MACROD2: variants seen among roughly 807,000 people sequenced by gnomAD.
MACROD2 encodes mono-ADP ribosylhydrolase 2.
MACROD2 carries 36 observed loss-of-function variants against 70.4 expected under a neutral mutation model. That is an observed-to-expected ratio of 0.51 (90% confidence interval 0.39 to 0.68). The LOEUF (loss-of-function observed/expected upper bound fraction) is 0.68. Ranked by LOEUF, MACROD2 falls within the 30% of genes least tolerant of loss-of-function variation. The probability of loss-of-function intolerance (pLI) is 0.00; values close to 1 mark genes in which losing one functional copy is unlikely to be tolerated. For synonymous variants in MACROD2, 172 were observed against 178.8 expected (o/e 0.96, Z 0.30); for missense variants, 496 against 538.4 (o/e 0.92, Z 0.78).
chr20:14,475,570 T>A (rs80322124), intron 3 of MACROD2, among the ~76,000 whole-genome samples: 2,772 of 146,392 alleles, frequency 0.019, 86 homozygotes, highest in African/African-American at 0.067. Context: ...CCCTTTAGCA[T>A]TTTTTTTTTT....
At chr20:15,062,447 G>C (rs1219726288) in intron 5 of MACROD2, among the ~76,000 whole-genome samples, 7 of 151,836 alleles carry the variant, frequency 4.6e-5, no homozygotes, top group Non-Finnish European at 8.8e-5. Flanking sequence ...TGGCAACTCT[G>C]CTTCCAAACC....
At chr20:14,633,414 A>C (rs1190858988) in intron 4 of MACROD2, among the ~76,000 whole-genome samples, 17 of 152,164 alleles carry the variant, frequency 1.1e-4, no homozygotes, top group Non-Finnish European at 1.8e-4. Context: ...TCTTCAAAGG[A>C]AATTGAAGCC....
intron 3 of MACROD2, among the ~76,000 whole-genome samples, chr20:14,189,371 A>T (rs1289621985): frequency 6.6e-6 from 1 of 152,126 alleles, no homozygotes; most frequent in Non-Finnish European, 1.5e-5. Flanking sequence ...TTTTCAAAAG[A>T]CTTTTATTTA....
intron 5 of MACROD2, among the ~76,000 whole-genome samples, chr20:14,837,068 A>G (rs2073037656): frequency 2.0e-5 from 2 of 99,002 alleles, no homozygotes; most frequent in African/African-American, 5.9e-5. Context: ...TTAAATAATG[A>G]GTGTTTTCTC....
rs1041740537 is a variant in MACROD2 at position 15,777,662 on chromosome 20, C to T, written c.646-85083C>T. On this transcript the variant is annotated intron_variant, in intron 8 of 17. Coordinates refer to ENST00000684519, the MANE Select transcript of MACROD2 (RefSeq NM_001351661.2). The stretch of plus-strand genomic sequence containing the variant: ...CCTCTCTCTCTCTCTCTCTTTCTTT[C>T]GAGACAGAGTCTCACTCTGTTGCCC... 7.6e-5 allele frequency among the ~76,000 whole-genome samples: 10 copies of T among 132,416 alleles called. 1 individual carries two copies. The highest frequency in any genetic ancestry group is 5.7e-4 in the Admixed American group (7 of 12,204). 86.9% of individuals were successfully genotyped at this position (132,416 alleles called of 152,430 possible).
At chr20:15,061,937 G>T (rs1323241076) in intron 5 of MACROD2, among the ~76,000 whole-genome samples, 1 of 152,158 alleles carries the variant, frequency 6.6e-6, no homozygotes, top group South Asian at 2.1e-4. Context: ...ACCTCTACAG[G>T]TGGGGAGACA....
chr20:14,049,413 G>A (rs1198286734), intron 2 of MACROD2, among the ~76,000 whole-genome samples: 1 of 151,818 alleles, frequency 6.6e-6, no homozygotes, highest in Non-Finnish European at 1.5e-5. Context: ...GTGGAGGGGA[G>A]GTGGTGATGT....
At chr20:15,519,850 T>C (rs1432813224) in intron 8 of MACROD2, among the ~76,000 whole-genome samples, 1 of 152,200 alleles carries the variant, frequency 6.6e-6, no homozygotes, top group Non-Finnish European at 1.5e-5. Flanking sequence ...TTAATGAATG[T>C]GGGAATGCAG....
chr20:14,060,532 A>G (rs886259244), intron 2 of MACROD2, among the ~76,000 whole-genome samples: 2 of 152,138 alleles, frequency 1.3e-5, no homozygotes, highest in African/African-American at 4.8e-5. Flanking sequence ...GAGGAGATAG[A>G]CGACATTTCT....
intron 4 of MACROD2, chr20:14,636,491 A>T: frequency 6.6e-6 from 1 of 151,530 alleles, no homozygotes; most frequent in East Asian, 2.0e-4. Context: ...TTTCTTAGGG[A>T]CTCCAGAAGA....
chr20:14,421,823 T>C (rs1272929726), intron 3 of MACROD2, among the ~76,000 whole-genome samples: 1 of 152,126 alleles, frequency 6.6e-6, no homozygotes, highest in East Asian at 1.9e-4. Context: ...TTAACATTAT[T>C]GTCTGTTCTG....
chr20:14,133,325 A>G (rs2054744549), intron 3 of MACROD2, among the ~76,000 whole-genome samples: 1 of 152,206 alleles, frequency 6.6e-6, no homozygotes, highest in Admixed American at 6.5e-5. Flanking sequence ...CAACCACAGT[A>G]CAGTTAATGA....
Position 14,804,948 on chromosome 20 carries a change from T to C in MACROD2, c.418+119989T>C, listed in dbSNP as rs150914939. Among the ~76,000 whole-genome samples, 692 of 151,490 alleles carry C rather than the reference T, an allele frequency of 4.6e-3. 13 individuals are homozygous for C. The highest frequency in any genetic ancestry group is 0.015 in the African/African-American group (604 of 41,216). On this transcript the variant is annotated intron_variant, in intron 5 of 17. Coordinates refer to ENST00000684519, the MANE Select transcript of MACROD2 (RefSeq NM_001351661.2). ...GAAATGTTGATGATGGGTAGTGAGG[T>C]AAATTCTGGTGCCTCAACAATGAGT... is the stretch of plus-strand genomic sequence containing the variant.
chr20:16,018,379 T>G (rs2066958153), intron 15 of MACROD2, among the ~76,000 whole-genome samples: 1 of 152,258 alleles, frequency 6.6e-6, no homozygotes, highest in Admixed American at 6.5e-5. Flanking sequence ...TTCCTGTGAG[T>G]AAGTCATCCT....
At chr20:15,963,510 C>T (rs2066094480) in intron 12 of MACROD2, among the ~76,000 whole-genome samples, 1 of 152,164 alleles carries the variant, frequency 6.6e-6, no homozygotes, top group African/African-American at 2.4e-5. Flanking sequence ...ATTTATTTAA[C>T]ACATCTCTAT....
intron 3 of MACROD2, among the ~76,000 whole-genome samples, chr20:14,342,716 A>G (rs1325787041): frequency 6.6e-6 from 1 of 152,170 alleles, no homozygotes; most frequent in African/African-American, 2.4e-5. Flanking sequence ...TTTTGTTCTG[A>G]TATTTGCCTT....
intron 5 of MACROD2, among the ~76,000 whole-genome samples, chr20:15,049,517 A>G (rs1233266643): frequency 6.6e-6 from 1 of 152,226 alleles, no homozygotes; most frequent in East Asian, 1.9e-4. Context: ...GAGAAGCTAA[A>G]TCAGAAACTT....
In MACROD2 at chr20:15,400,890, G is replaced by C. The variant is rs1337602064; in HGVS notation, c.541-30515G>C. Among the ~76,000 whole-genome samples, 3 of 152,176 alleles carry C rather than the reference G, an allele frequency of 2.0e-5. No homozygotes were observed. The East Asian group carries it at 5.8e-4, about 29-fold the overall frequency. ...AAGCATAGTTGCAGGCCTCTCATTT[G>C]TGCCCCATGAGGGAGGGAAGAGAAA... is the stretch of plus-strand genomic sequence containing the variant. On this transcript the variant is annotated intron_variant, in intron 6 of 17. Coordinates refer to ENST00000684519, the MANE Select transcript of MACROD2 (RefSeq NM_001351661.2).
At chr20:15,023,065 T>C (rs1266695138) in intron 5 of MACROD2, 1 of 152,148 alleles carries the variant, frequency 6.6e-6, no homozygotes, top group East Asian at 1.9e-4. Flanking sequence ...GCAGTTACTT[T>C]TACAAGACCT....
Sources: gnomAD v4.1 joint callset for allele counts (sites outside exome capture counted in the v4.1 genomes callset) on GRCh38, gnomAD v4.1.1 for gene constraint, MANE v1.5 for transcripts, NCBI Gene and HGNC (gene_info 2026-07-23, HGNC 2026-07-21) for gene names.